SLC22A4: variants seen among roughly 807,000 people sequenced by gnomAD.
SLC22A4 encodes the protein solute carrier family 22 member 4.
Under a neutral mutation model 56.6 loss-of-function variants are expected in SLC22A4, and 39 were observed. The observed-to-expected ratio is 0.69, with a 90% CI of 0.53 to 0.90. SLC22A4 has a LOEUF of 0.90. Ranked by LOEUF, SLC22A4 falls within the 40% of genes least tolerant of loss-of-function variation. The probability of loss-of-function intolerance (pLI) is 0.00; values close to 1 mark genes in which losing one functional copy is unlikely to be tolerated. For synonymous variants in SLC22A4, 241 were observed against 281.4 expected (o/e 0.86, Z 1.44); for missense variants, 594 against 696.5 (o/e 0.85, Z 1.66).
At chr5:132,333,750 A>C (rs1193805498) in intron 6 of SLC22A4, among the ~76,000 whole-genome samples, 1 of 152,086 alleles carries the variant, frequency 6.6e-6, no homozygotes, top group Non-Finnish European at 1.5e-5. Flanking sequence ...CTCTTAGAAA[A>C]ATGGGGGTAC....
intron 1 of SLC22A4, among the ~76,000 whole-genome samples, chr5:132,299,533 G>A (rs1290423192): frequency 2.6e-5 from 4 of 151,942 alleles, no homozygotes; most frequent in Non-Finnish European, 5.9e-5. Context: ...TGGTTCAAGC[G>A]ATTCTCCTGC....
At chr5:132,315,601 T>A (rs937928511) in intron 3 of SLC22A4, among the ~76,000 whole-genome samples, 1 of 152,132 alleles carries the variant, frequency 6.6e-6, no homozygotes, top group East Asian at 1.9e-4. Flanking sequence ...CCATGCAGCA[T>A]GTGGTCCCAC....
chr5:132,308,504 T>C (rs937906049), intron 1 of SLC22A4, among the ~76,000 whole-genome samples: 4 of 146,918 alleles, frequency 2.7e-5, no homozygotes, highest in African/African-American at 1.0e-4. Flanking sequence ...CCATCTCACA[T>C]GCCAACCCTG....
At chr5:132,324,738 A>T (rs273914) in intron 4 of SLC22A4, 211,377 of 371,800 alleles carry the variant, frequency 0.57, 62,006 homozygotes, top group Admixed American at 0.66. Flanking sequence ...TCAGTATGAG[A>T]CAAGCTCTCC....
intron 3 of SLC22A4, among the ~76,000 whole-genome samples, chr5:132,315,038 T>C (rs945647134): frequency 6.6e-6 from 1 of 152,098 alleles, no homozygotes; most frequent in Non-Finnish European, 1.5e-5. Context: ...ACAGGGAGCT[T>C]CAGGCCAGTG....
Position 132,343,675 on chromosome 5 carries a change from A to G in SLC22A4, c.1581-85A>G, listed in dbSNP as rs907309203. On this transcript the variant is annotated intron_variant, in intron 9 of 9. Coordinates refer to ENST00000200652, the MANE Select transcript of SLC22A4 (RefSeq NM_003059.3). ...TTACTTGTTCATTGATTGGAGAAAT[A>G]TTTTTCAATGTCAATTTGGATGGAG... 10 of 823,070 alleles carry G rather than the reference A, an allele frequency of 1.2e-5. No homozygotes were observed. In the Admixed American group the frequency reaches 1.7e-4, roughly 14 times the overall value. 51.0% of individuals were successfully genotyped at this position (823,070 alleles called of 1,614,324 possible).
chr5:132,336,224 T>G (rs931629776), intron 8 of SLC22A4, among the ~76,000 whole-genome samples: 2 of 152,158 alleles, frequency 1.3e-5, no homozygotes, highest in Non-Finnish European at 2.9e-5. Flanking sequence ...TGTATATAAT[T>G]TTTTAAACAC....
intron 3 of SLC22A4, among the ~76,000 whole-genome samples, chr5:132,320,257 G>A (rs936001405): frequency 1.3e-5 from 2 of 152,188 alleles, no homozygotes; most frequent in African/African-American, 4.8e-5. Flanking sequence ...CATGAAGGTA[G>A]GAGAAAGCTC....
rs952453953 is a variant in SLC22A4 at position 132,340,455 on chromosome 5, A to C, written c.1445-110A>C. ...TACTTTTTTTTCTCTGAAAATGTTC[A>C]GATTTAAATCCATTCTCTTATACTG... On this transcript the variant is annotated intron_variant, in intron 8 of 9. Coordinates refer to ENST00000200652, the MANE Select transcript of SLC22A4 (RefSeq NM_003059.3). 8 of 1,032,644 alleles carry C rather than the reference A, an allele frequency of 7.7e-6. No homozygotes were observed. The Admixed American group carries it at 1.2e-4, about 16-fold the overall frequency. The allele number at this position is 1,032,644 out of a possible 1,614,324, so 64.0% of individuals were successfully genotyped here.
intron 1 of SLC22A4, among the ~76,000 whole-genome samples, chr5:132,298,720 C>CAGAGTGTGGCACCAGCAA (rs1380124653): frequency 2.0e-5 from 3 of 152,218 alleles, no homozygotes; most frequent in Admixed American, 6.5e-5. Context: ...GTGGCCAGCA[C>CAGAGTGTGGCACCAGCAA]AGAGTGTGGC....
rs1235559122 is a variant in SLC22A4, at chr5:132,322,164, T to C, written c.653-20T>C. 1 of 1,606,204 alleles carries C rather than the reference T, an allele frequency of 6.2e-7. No homozygotes were observed. The highest frequency in any genetic ancestry group is 8.5e-7 in the Non-Finnish European group (1 of 1,174,174). On this transcript the variant is annotated intron_variant, in intron 3 of 9. Transcript: ENST00000200652. ...TTAAAGTGAGTTAATATGCTAATAC[T>C]CCTCCCTTGTTTTGAACAGGAACAG...
chr5:132,296,585 T>C (rs1418057456), intron 1 of SLC22A4, among the ~76,000 whole-genome samples: 1 of 152,238 alleles, frequency 6.6e-6, no homozygotes, highest in Non-Finnish European at 1.5e-5. Flanking sequence ...TCCCCCAGCA[T>C]TGGCACCATA....
intron 7 of SLC22A4, 64 bp downstream of exon 7, chr5:132,334,996 T>G: frequency 9.3e-7 from 1 of 1,079,798 alleles, no homozygotes; most frequent in Non-Finnish European, 1.4e-6. Context: ...AGGCTGCTTC[T>G]GAGTCACTGC....
chr5:132,305,251 G>C (rs569603655), intron 1 of SLC22A4, among the ~76,000 whole-genome samples: 73 of 152,132 alleles, frequency 4.8e-4, no homozygotes, highest in African/African-American at 1.7e-3. Flanking sequence ...AGAGGAAAAA[G>C]GGAATAAAGA....
chr5:132,294,637 G>A lies in SLC22A4; in HGVS notation c.21G>A (p.Val7=), dbSNP rs762765767. The change falls in exon 1 of 10, where the codon GTG becomes GTA. Residue 7 remains valine (V), a synonymous_variant. Transcript: ENST00000200652. This position sits in a 1 kb window ranked among gnomAD's most constrained non-coding sequence, Gnocchi z 5.6. ...GAAGCATGCGGGACTACGACGAGGT[G>A]ATCGCCTTCCTGGGCGAGTGGGGGC... The part of the protein sequence containing the change: MRDYDE[V]IAFLGEWGPF... 2 of 1,614,062 alleles carry A rather than the reference G, an allele frequency of 1.2e-6. No homozygotes were observed. Among genetic ancestry groups the A allele is most frequent in the African/African-American group, 2.7e-5 (2 of 74,936 alleles).
rs79257254 is a variant in SLC22A4 at position 132,333,678 on chromosome 5, A to G, written c.1047-1040A>G. Among the ~76,000 whole-genome samples, 326 of 151,278 alleles carry G rather than the reference A, an allele frequency of 2.2e-3. 1 individual carries two copies. Among genetic ancestry groups the G allele is most frequent in the African/African-American group, 7.7e-3 (315 of 41,008 alleles). ...AAAGGCTATAATTGCACTTCTAAAG[A>G]GCTAAGTAGAAAGTGCAGAAAAGGA... On this transcript the variant is annotated intron_variant, in intron 6 of 9. Transcript: ENST00000200652.
intron 2 of SLC22A4, 81 bp downstream of exon 2, chr5:132,312,345 G>A (rs925891448): frequency 5.3e-6 from 5 of 937,402 alleles, no homozygotes; most frequent in East Asian, 2.4e-5. Flanking sequence ...TGAATTCAGG[G>A]TATTTCTACC....
At chr5:132,312,322 C>A in intron 2 of SLC22A4, 58 bp downstream of exon 2, 2 of 1,060,738 alleles carry the variant, frequency 1.9e-6, no homozygotes, top group Non-Finnish European at 3.0e-6. Flanking sequence ...CACTGCCTAT[C>A]TTGGGGCTGG....
At chr5:132,338,037 G>T (rs1751080402) in intron 8 of SLC22A4, among the ~76,000 whole-genome samples, 1 of 152,064 alleles carries the variant, frequency 6.6e-6, no homozygotes, top group African/African-American at 2.4e-5. Flanking sequence ...GAGCCACTGT[G>T]CCTGGCCTTC....
Sources: gnomAD v4.1 joint callset for allele counts (sites outside exome capture counted in the v4.1 genomes callset) on GRCh38, gnomAD v4.1.1 for gene constraint, Gnocchi (gnomAD v3.1) non-coding constraint, MANE v1.5 for transcripts, NCBI Gene and HGNC (gene_info 2026-07-23, HGNC 2026-07-21) for gene names.